Variants in SIDT1 observed in about 807,000 individuals in gnomAD.
The protein encoded by SIDT1 is SID1 transmembrane family, member 1.
SIDT1 carries 101 observed loss-of-function variants against 107.5 expected under a neutral mutation model. That is an observed-to-expected ratio of 0.94 (90% CI 0.80 to 1.11). SIDT1 has a LOEUF of 1.11. Among genes scored for constraint, SIDT1 ranks in the 50% least tolerant of loss-of-function variants. The pLI, the probability that SIDT1 is intolerant of heterozygous loss-of-function variation, is 0.00. For missense variants in SIDT1, 1,076 were observed against 1,058.2 expected (o/e 1.02, Z -0.23); for synonymous variants, 395 against 398.2 (o/e 0.99, Z 0.10).
intron 10 of SIDT1, among the ~76,000 whole-genome samples, chr3:113,600,439 T>C (rs1231645962): frequency 6.6e-6 from 1 of 152,102 alleles, no homozygotes; most frequent in Non-Finnish European, 1.5e-5. Context: ...CCTTTTATCA[T>C]CTTTAAAATG....
intron 9 of SIDT1, among the ~76,000 whole-genome samples, chr3:113,589,529 C>CTTTTTT (rs386397654): frequency 1.6e-4 from 18 of 116,032 alleles, no homozygotes; most frequent in African/African-American, 1.9e-4. Context: ...ACTTCTCTCC[C>CTTTTTT]TTTTTTTTTT....
chr3:113,549,222 C>A (rs1316789920), intron 1 of SIDT1, among the ~76,000 whole-genome samples: 2 of 151,710 alleles, frequency 1.3e-5, no homozygotes, highest in Non-Finnish European at 2.9e-5. Context: ...AATGTGTGTG[C>A]GGGTTTTTGT....
At chr3:113,610,921 C>T in intron 17 of SIDT1, 87 bp from the exon 18 acceptor site, 1 of 1,500,230 alleles carries the variant, frequency 6.7e-7, no homozygotes, top group Non-Finnish European at 9.1e-7. Flanking sequence ...GTGAGGGGTA[C>T]TCAGAGTCTG....
At chr3:113,551,824 GGTGTGT>G (rs56860179) in intron 1 of SIDT1, among the ~76,000 whole-genome samples, 4,359 of 147,276 alleles carry the variant, frequency 0.03, 105 homozygotes, top group East Asian at 0.097. Context: ...AAGTTTTAGG[GGTGTGT>G]GTGTGTGTGT....
Position 113,627,999 on chromosome 3 carries a change from C to T in SIDT1, c.*291C>T. The T allele has an allele frequency of 2.5e-6, 1 of 398,708 alleles. No individual in the cohort carries two copies. Among genetic ancestry groups the T allele is most frequent in the Non-Finnish European group, 4.6e-6 (1 of 217,830 alleles). The allele number at this position is 398,708 out of a possible 1,614,324, so 24.7% of individuals were successfully genotyped here. A position where few individuals can be genotyped will look rare whatever the true frequency, so the allele number is the denominator to read the frequency against. On this transcript the variant is annotated 3_prime_UTR_variant, in exon 25 of 25. Transcript: ENST00000264852. ...ACAGGGATAGGCACTGCATCCAAGT[C>T]AACTCACCATCTTGGGGTCCCTCCC...
At chr3:113,627,013 T>C (rs1194166283) in intron 24 of SIDT1, among the ~76,000 whole-genome samples, 1 of 152,176 alleles carries the variant, frequency 6.6e-6, no homozygotes, top group Non-Finnish European at 1.5e-5. Flanking sequence ...AGTCCTTACG[T>C]CTTTTACTTT....
downstream of SIDT1, among the ~76,000 whole-genome samples, chr3:113,630,344 C>G (rs1293923845): frequency 1.3e-5 from 2 of 152,116 alleles, no homozygotes; most frequent in East Asian, 3.8e-4. Context: ...TTATGCTCCA[C>G]GGTTTACTGA....
chr3:113,621,422 T>C (rs888902181), intron 21 of SIDT1, among the ~76,000 whole-genome samples: 4 of 150,162 alleles, frequency 2.7e-5, no homozygotes, highest in African/African-American at 9.8e-5. Flanking sequence ...CTGGGCAACA[T>C]GGTGAGACCC....
At chr3:113,536,366 G>A (rs545037391) in intron 1 of SIDT1, among the ~76,000 whole-genome samples, 49 of 152,314 alleles carry the variant, frequency 3.2e-4, no homozygotes, top group African/African-American at 1.2e-3. Flanking sequence ...ACAAAGTCTT[G>A]ATAAGGTAAG....
At chr3:113,599,913 G>A (rs1438634692) in intron 10 of SIDT1, among the ~76,000 whole-genome samples, 3 of 152,106 alleles carry the variant, frequency 2.0e-5, no homozygotes, top group Admixed American at 1.3e-4. Context: ...AGGGAACTAT[G>A]GAAAGTGATG....
chr3:113,626,578 T>TTCCTCC (rs756561839), intron 24 of SIDT1, among the ~76,000 whole-genome samples: 12 of 151,512 alleles, frequency 7.9e-5, no homozygotes, highest in African/African-American at 2.2e-4. Flanking sequence ...CATACTCACA[T>TTCCTCC]TCCTCCTCCT....
At chr3:113,619,169 C>A (rs1390101181) in intron 20 of SIDT1, among the ~76,000 whole-genome samples, 1 of 152,178 alleles carries the variant, frequency 6.6e-6, no homozygotes, top group Non-Finnish European at 1.5e-5. Context: ...TTCTCCCCTA[C>A]AAGAGTCTAT....
Position 113,627,824 on chromosome 3 carries a change from C to A in SIDT1, c.*116C>A. 1.1e-6 allele frequency: 1 copy of A among 899,578 alleles called. No individual in the cohort carries two copies. Among genetic ancestry groups the A allele is most frequent in the Non-Finnish European group, 1.8e-6 (1 of 557,756 alleles). 55.7% of individuals were successfully genotyped at this position (899,578 alleles called of 1,614,324 possible). A position where few individuals can be genotyped will look rare whatever the true frequency, so the allele number is the denominator to read the frequency against. On this transcript the variant is annotated 3_prime_UTR_variant, in exon 25 of 25. Transcript: ENST00000264852. ...ATGCTCCACTCACCCTCTGTAGAGC[C>A]AACTCTGCATTCACACAGGAAGGAG...
At chr3:113,590,930 T>C (rs1034312405) in intron 9 of SIDT1, among the ~76,000 whole-genome samples, 11 of 152,228 alleles carry the variant, frequency 7.2e-5, no homozygotes, top group African/African-American at 2.4e-4. Context: ...CTCCAGAACC[T>C]GTGAATATGT....
At chr3:113,544,172 TTTGTTTG>T (rs1188666191) in intron 1 of SIDT1, among the ~76,000 whole-genome samples, 2 of 34,370 alleles carry the variant, frequency 5.8e-5, no homozygotes, top group Non-Finnish European at 1.0e-4. Context: ...CATGAGTCTT[TTTGTTTG>T]TTTGTTTGTT....
At chr3:113,612,037 T>C in intron 18 of SIDT1, 49 bp from the exon 19 acceptor site, 1 of 1,387,094 alleles carries the variant, frequency 7.2e-7, no homozygotes, top group South Asian at 1.2e-5. Flanking sequence ...TTTTGATGAG[T>C]TTTCTAGGGA....
intron 1 of SIDT1, among the ~76,000 whole-genome samples, chr3:113,539,790 G>C (rs1480034792): frequency 6.6e-6 from 1 of 152,030 alleles, no homozygotes; most frequent in African/African-American, 2.4e-5. Flanking sequence ...ATCACCTGAG[G>C]TCATGAGTTC....
intron 1 of SIDT1, among the ~76,000 whole-genome samples, chr3:113,539,044 T>C (rs1269784971): frequency 6.6e-6 from 1 of 152,204 alleles, no homozygotes; most frequent in Non-Finnish European, 1.5e-5. Context: ...GGAATACTTC[T>C]ATAACGGGAA....
At position 113,623,192 on chromosome 3, in the gene SIDT1, TAAAAAAAAAAAAAAAAAA is replaced by T. The variant is rs61454117; in HGVS notation, c.2091-223_2091-206del. Among the ~76,000 whole-genome samples, 4 of 53,808 alleles carry T rather than the reference TAAAAAAAAAAAAAAAAAA, an allele frequency of 7.4e-5. No individual in the cohort carries two copies. In the Admixed American group the frequency reaches 8.8e-4, roughly 12 times the overall value. The allele number at this position is 53,808 out of a possible 152,430, so 35.3% of individuals were successfully genotyped here. The stretch of plus-strand genomic sequence containing the variant: ...AGTGAGGGAATGAGACCCCAACTCT[TAAAAAAAAAAAAAAAAAA>T]AAAAAAAAAAAGATACTTATATGTT... On this transcript the variant is annotated intron_variant, in intron 21 of 24. Coordinates refer to ENST00000264852, the MANE Select transcript of SIDT1 (RefSeq NM_017699.3).
Sources: allele counts gnomAD v4.1 joint callset (sites outside exome capture counted in the v4.1 genomes callset), GRCh38; gene constraint gnomAD v4.1.1; transcripts MANE v1.5; gene names NCBI Gene and HGNC (gene_info 2026-07-23, HGNC 2026-07-21).